Variants in RNF169 observed in about 807,000 individuals in gnomAD.
RNF169 encodes the protein ring finger protein 169.
RNF169 carries 24 observed loss-of-function variants against 53.9 expected under a neutral mutation model. The ratio of observed to expected loss-of-function variants is 0.45; its 90% CI spans 0.32 to 0.63. The LOEUF is 0.63. Among genes scored for constraint, RNF169 ranks in the 20% least tolerant of loss-of-function variants. The pLI is 0.04. For missense variants in RNF169, 883 were observed against 906.2 expected (o/e 0.97, Z 0.33); for synonymous variants, 396 against 363.5 (o/e 1.09, Z -1.02).
At chr11:74,751,590 A>G (rs77981631) in intron 1 of RNF169, among the ~76,000 whole-genome samples, 1,691 of 152,346 alleles carry the variant, frequency 0.011, 31 homozygotes, top group African/African-American at 0.037. Context: ...TTTTTGTCAT[A>G]AAATTTATCA....
At chr11:74,829,226 C>T (rs1324405647) in intron 4 of RNF169, among the ~76,000 whole-genome samples, 3 of 152,116 alleles carry the variant, frequency 2.0e-5, no homozygotes, top group Admixed American at 2.0e-4. Flanking sequence ...ATGTGGCCAA[C>T]CAGCATATGA....
At chr11:74,763,133 A>AC (rs2035115129) in intron 1 of RNF169, among the ~76,000 whole-genome samples, 1 of 152,262 alleles carries the variant, frequency 6.6e-6, no homozygotes, top group South Asian at 2.1e-4. Context: ...AAATTGAAGC[A>AC]CAAGATCTAT....
At chr11:74,757,275 A>G (rs1445859907) in intron 1 of RNF169, among the ~76,000 whole-genome samples, 1 of 119,394 alleles carries the variant, frequency 8.4e-6, no homozygotes, top group Non-Finnish European at 1.7e-5. Flanking sequence ...GCGATAGTTT[A>G]CTGAGAATGA....
At chr11:74,754,047 G>A (rs186004511) in intron 1 of RNF169, among the ~76,000 whole-genome samples, 2 of 152,108 alleles carry the variant, frequency 1.3e-5, no homozygotes, top group African/African-American at 2.4e-5. Context: ...TCTGCAACTC[G>A]TATATATTGA....
At chr11:74,800,754 T>A (rs1318888329) in intron 2 of RNF169, among the ~76,000 whole-genome samples, 1 of 152,224 alleles carries the variant, frequency 6.6e-6, no homozygotes, top group Non-Finnish European at 1.5e-5. Context: ...AAATTAATTC[T>A]CAATTTTCTT....
intron 2 of RNF169, among the ~76,000 whole-genome samples, chr11:74,804,416 G>A (rs929078022): frequency 1.3e-5 from 2 of 152,194 alleles, no homozygotes; most frequent in Non-Finnish European, 1.5e-5. Flanking sequence ...TATGCAGTAC[G>A]AAAGTGCTTG....
In RNF169 at chr11:74,840,028, A is replaced by G. The variant is rs2036328700; in HGVS notation, c.*3298A>G. On this transcript the variant is annotated 3_prime_UTR_variant, in exon 6 of 6. Coordinates refer to ENST00000299563, the MANE Select transcript of RNF169 (RefSeq NM_001098638.2). Reference sequence around the variant, plus strand: ...TTTTTTGTTCATTTTCCCTAAAGGAAAAATGTCCTTAAGAGATTAAAGCTC... The same window carrying G: ...TTTTTTGTTCATTTTCCCTAAAGGAGAAATGTCCTTAAGAGATTAAAGCTC... 6.6e-6 allele frequency: 1 copy of G among 152,230 alleles called. No individual in the cohort carries two copies. Among genetic ancestry groups the G allele is most frequent in the Non-Finnish European group, 1.5e-5 (1 of 68,042 alleles). The allele number at this position is 152,230 out of a possible 1,614,324, so 9.4% of individuals were successfully genotyped here. A position where few individuals can be genotyped will look rare whatever the true frequency, so the allele number is the denominator to read the frequency against.
intron 4 of RNF169, among the ~76,000 whole-genome samples, chr11:74,818,682 C>G (rs1460003562): frequency 6.6e-6 from 1 of 152,184 alleles, no homozygotes; most frequent in African/African-American, 2.4e-5. Context: ...GTGTGAGCCA[C>G]TGTGTCTGGC....
At chr11:74,822,965 A>AT (rs930774483) in intron 4 of RNF169, among the ~76,000 whole-genome samples, 10 of 150,620 alleles carry the variant, frequency 6.6e-5, no homozygotes, top group Non-Finnish European at 1.2e-4. Context: ...TACCGCCTCC[A>AT]TTTTTTTTTA....
intron 4 of RNF169, among the ~76,000 whole-genome samples, chr11:74,819,068 G>GTT (rs796433705): frequency 9.9e-5 from 14 of 141,492 alleles, no homozygotes; most frequent in African/African-American, 1.0e-4. Flanking sequence ...CTTCTTTCCA[G>GTT]TTTTTTTTTT....
Position 74,749,179 on chromosome 11 carries a change from G to A in RNF169, c.299G>A (p.Gly100Asp), listed in dbSNP as rs1041203199. The A allele has an allele frequency of 1.7e-6, 2 of 1,199,216 alleles. No individual in the cohort carries two copies. The highest frequency in any genetic ancestry group is 3.3e-4 in the Middle Eastern group (1 of 3,034). 74.3% of individuals were successfully genotyped at this position (1,199,216 alleles called of 1,614,324 possible). A position where few individuals can be genotyped will look rare whatever the true frequency, so the allele number is the denominator to read the frequency against. Residue 100 changes from glycine to aspartate, a missense_variant, in exon 1 of 6, where the codon GGC becomes GAC. By Grantham distance (94) the Gly-to-Asp change is moderately conservative (BLOSUM62 -1). Around this residue, in one of 3 missense-constraint regions of RNF169, gnomAD observed 313 missense variants for 279.9 expected, o/e 1.12. Coordinates refer to ENST00000299563, the MANE Select transcript of RNF169 (RefSeq NM_001098638.2). The part of the protein sequence containing the change: ...GCAQRAADAA[G>D]PGCPRCRARG... ...GCCCAACGCGCCGCCGACGCGGCGGGCCCGGGTTGCCCTCGCTGCCGCGCC... is the reference window on the plus strand; with the variant it reads ...GCCCAACGCGCCGCCGACGCGGCGGACCCGGGTTGCCCTCGCTGCCGCGCC...
Position 74,821,438 on chromosome 11 carries a change from C to T in RNF169, c.842+3724C>T, listed in dbSNP as rs1165434340. The stretch of plus-strand genomic sequence containing the variant: ...CTTTGGGAGGCCGAGGCGGGCGGAT[C>T]ACGAGGTCAGGAGATCGAGACCATC... On this transcript the variant is annotated intron_variant, in intron 4 of 5. Coordinates refer to ENST00000299563, the MANE Select transcript of RNF169 (RefSeq NM_001098638.2). 4.3e-5 allele frequency among the ~76,000 whole-genome samples: 3 copies of T among 70,048 alleles called. 1 individual carries two copies. Among genetic ancestry groups the T allele is most frequent in the African/African-American group, 2.9e-4 (2 of 6,784 alleles). 46.0% of individuals were successfully genotyped at this position (70,048 alleles called of 152,430 possible). A position where few individuals can be genotyped will look rare whatever the true frequency, so the allele number is the denominator to read the frequency against.
chr11:74,815,524 C>G (rs1378978983), intron 3 of RNF169, among the ~76,000 whole-genome samples: 1 of 151,948 alleles, frequency 6.6e-6, no homozygotes, highest in South Asian at 2.1e-4. Flanking sequence ...CCACTGTACT[C>G]CAGCCTGGGC....
intron 4 of RNF169, chr11:74,830,840 TA>T (rs2036167150): frequency 6.6e-6 from 1 of 152,160 alleles, no homozygotes. Flanking sequence ...AAGCAGGATT[TA>T]TTCCAAGAAT....
intron 1 of RNF169, among the ~76,000 whole-genome samples, chr11:74,773,410 A>C (rs955125303): frequency 6.6e-5 from 10 of 152,134 alleles, no homozygotes; most frequent in African/African-American, 2.4e-4. Flanking sequence ...ATCAGCTTAG[A>C]TGACTTGATT....
At chr11:74,758,883 T>C (rs1289211053) in intron 1 of RNF169, among the ~76,000 whole-genome samples, 1 of 149,956 alleles carries the variant, frequency 6.7e-6, no homozygotes, top group Non-Finnish European at 1.5e-5. Context: ...GCATTGAATC[T>C]GTAAATTACC....
rs193017510 is a variant in RNF169 at position 74,830,223 on chromosome 11, G to T, written c.843-4453G>T. The stretch of plus-strand genomic sequence containing the variant: ...ACAGAGAATAGGAAAACAGTAGAAT[G>T]AATGAAACCCAAAAGTTGGGTCCTT... On this transcript the variant is annotated intron_variant, in intron 4 of 5. Transcript: ENST00000299563. 2.0e-5 allele frequency among the ~76,000 whole-genome samples: 3 copies of T among 151,914 alleles called. No homozygotes were observed. In the East Asian group the frequency reaches 5.8e-4, roughly 29 times the overall value.
At chr11:74,756,988 A>G (rs964163493) in intron 1 of RNF169, among the ~76,000 whole-genome samples, 1 of 151,454 alleles carries the variant, frequency 6.6e-6, no homozygotes, top group African/African-American at 2.4e-5. Flanking sequence ...AAGAACGGCA[A>G]TTCTTTTATT....
rs73492757 is a variant in RNF169, at chr11:74,827,262, T to G, written c.843-7414T>G. On this transcript the variant is annotated intron_variant, in intron 4 of 5. Transcript: ENST00000299563. Reference sequence around the variant, plus strand: ...TACTCTCTGAAACAATGGCCTGATCTGTACATTGGCCCCTTTTAGCCACGG... The same window carrying G: ...TACTCTCTGAAACAATGGCCTGATCGGTACATTGGCCCCTTTTAGCCACGG... 2.6e-3 allele frequency among the ~76,000 whole-genome samples: 396 copies of G among 152,326 alleles called. 1 individual carries two copies. Among genetic ancestry groups the G allele is most frequent in the African/African-American group, 9.2e-3 (381 of 41,566 alleles).
Sources: allele counts gnomAD v4.1 joint callset (sites outside exome capture counted in the v4.1 genomes callset), GRCh38; gene constraint gnomAD v4.1.1; regional missense constraint gnomAD v4.1.1; transcripts MANE v1.5; gene names NCBI Gene and HGNC (gene_info 2026-07-23, HGNC 2026-07-21).